TAS2R1: variants seen among roughly 807,000 people sequenced by gnomAD.
TAS2R1 encodes taste 2 receptor member 1.
For synonymous variants in TAS2R1, 141 were observed against 134.2 expected (o/e 1.05, Z -0.35); for missense variants, 370 against 353.4 (o/e 1.05, Z -0.38).
the TAS2R1 span, among the ~76,000 whole-genome samples, chr5:9,803,213 A>G: frequency 1.3e-5 from 2 of 152,358 alleles, no homozygotes; most frequent in Admixed American, 6.5e-5. Context: ...ATTTTAAAAA[A>G]TGGAAAAAGC....
the TAS2R1 span, among the ~76,000 whole-genome samples, chr5:9,800,040 G>A: frequency 5.3e-5 from 8 of 152,220 alleles, no homozygotes; most frequent in Admixed American, 2.0e-4. Context: ...ACAAGCACAC[G>A]TGGAGATGAA....
chr5:9,864,138 C>G, the TAS2R1 span, among the ~76,000 whole-genome samples: 5 of 152,190 alleles, frequency 3.3e-5, no homozygotes, highest in Admixed American at 3.3e-4. Flanking sequence ...CTCTGCTTTC[C>G]TCAATGGAGC....
the TAS2R1 span, among the ~76,000 whole-genome samples, chr5:9,846,326 T>C: frequency 6.6e-6 from 1 of 152,300 alleles, no homozygotes; most frequent in East Asian, 1.9e-4. Context: ...AGAAAAGTTT[T>C]TGGAGGGCGA....
upstream of TAS2R1, among the ~76,000 whole-genome samples, chr5:9,716,473 G>C (rs1734814135): frequency 3.3e-5 from 5 of 152,020 alleles, no homozygotes; most frequent in South Asian, 1.0e-3. Context: ...ACAATATAGT[G>C]GGACAAAACC....
chr5:9,731,338 C>A, the TAS2R1 span, among the ~76,000 whole-genome samples: 1 of 152,170 alleles, frequency 6.6e-6, no homozygotes, highest in Non-Finnish European at 1.5e-5. Context: ...CATCCAGACT[C>A]CAGGGAACAC....
the TAS2R1 span, among the ~76,000 whole-genome samples, chr5:9,879,616 C>T: frequency 6.6e-6 from 1 of 151,972 alleles, no homozygotes; most frequent in Admixed American, 6.6e-5. Flanking sequence ...TTTGCAAGGC[C>T]TAATTTTAAT....
At chr5:9,823,584 A>G in the TAS2R1 span, among the ~76,000 whole-genome samples, 1 of 138,152 alleles carries the variant, frequency 7.2e-6, no homozygotes, top group Non-Finnish European at 1.6e-5. Flanking sequence ...AGAGGAAGGG[A>G]AAAAGGAGGG....
At chr5:9,706,327 C>G (rs1734928074) in intron 1 of TAS2R1, among the ~76,000 whole-genome samples, 1 of 152,114 alleles carries the variant, frequency 6.6e-6, no homozygotes, top group Non-Finnish European at 1.5e-5. Context: ...GCCTGGCCTG[C>G]GAAGCCACAA....
the TAS2R1 span, among the ~76,000 whole-genome samples, chr5:9,791,663 C>T: frequency 7.2e-5 from 11 of 152,144 alleles, no homozygotes; most frequent in African/African-American, 1.2e-4. Flanking sequence ...CATGCCACTG[C>T]ACTCCAGCCT....
intron 1 of TAS2R1, among the ~76,000 whole-genome samples, chr5:9,671,231 C>G (rs1241699705): frequency 6.6e-6 from 1 of 152,104 alleles, no homozygotes. Flanking sequence ...AAAACCAGAA[C>G]AAGACAAGGA....
intron 1 of TAS2R1, among the ~76,000 whole-genome samples, chr5:9,680,371 G>A (rs146088139): frequency 1.6e-3 from 246 of 152,166 alleles, no homozygotes; most frequent in African/African-American, 5.5e-3. Context: ...TTCTACTCCC[G>A]AAAGTGTGAG....
At chr5:9,759,415 G>T in the TAS2R1 span, among the ~76,000 whole-genome samples, 3 of 152,154 alleles carry the variant, frequency 2.0e-5, no homozygotes, top group Non-Finnish European at 4.4e-5. Context: ...AAGATCAACA[G>T]ATCAGTGCAT....
chr5:9,864,290 G>A, the TAS2R1 span, among the ~76,000 whole-genome samples: 15 of 152,256 alleles, frequency 9.9e-5, no homozygotes, highest in East Asian at 2.7e-3. Context: ...CCACCCGATA[G>A]GAAGAGGTAA....
chr5:9,837,428 T>A, the TAS2R1 span, among the ~76,000 whole-genome samples: 1 of 152,222 alleles, frequency 6.6e-6, no homozygotes, highest in Non-Finnish European at 1.5e-5. Flanking sequence ...CGCAGGAACC[T>A]TTGGTGGATG....
chr5:9,798,282 G>C, the TAS2R1 span, among the ~76,000 whole-genome samples: 1 of 152,052 alleles, frequency 6.6e-6, no homozygotes, highest in African/African-American at 2.4e-5. Flanking sequence ...ATGTTTCTGG[G>C]GTAGTGTAAA....
intron 1 of TAS2R1, among the ~76,000 whole-genome samples, chr5:9,697,871 C>T (rs1741395054): frequency 6.6e-6 from 1 of 150,524 alleles, no homozygotes; most frequent in African/African-American, 2.4e-5. Flanking sequence ...TTCTAGTTTA[C>T]ACAGTAAGAT....
chr5:9,896,384 T>G, the TAS2R1 span, among the ~76,000 whole-genome samples: 1 of 152,210 alleles, frequency 6.6e-6, no homozygotes, highest in Non-Finnish European at 1.5e-5. Flanking sequence ...CACCTTTCAT[T>G]TTTTGGAGGC....
At chr5:9,773,322 CTCTTTT>C in the TAS2R1 span, among the ~76,000 whole-genome samples, 3 of 151,438 alleles carry the variant, frequency 2.0e-5, no homozygotes, top group Non-Finnish European at 4.4e-5. Context: ...TTCATCCTCT[CTCTTTT>C]TAACTTTTTT....
intron 1 of TAS2R1, among the ~76,000 whole-genome samples, chr5:9,685,166 A>G (rs1741101749): frequency 6.6e-6 from 1 of 152,206 alleles, no homozygotes; most frequent in African/African-American, 2.4e-5. Context: ...TCAAAGGGAG[A>G]GCTCTGGGTG....
Sources: gnomAD v4.1 joint callset for allele counts (sites outside exome capture counted in the v4.1 genomes callset) on GRCh38, gnomAD v4.1.1 for gene constraint, MANE v1.5 for transcripts, NCBI Gene and HGNC (gene_info 2026-07-23, HGNC 2026-07-21) for gene names.